The following SLC16A9 variants were observed in gnomAD, a reference collection of about 807,000 sequenced individuals.
SLC16A9 encodes the protein solute carrier family 16 member 9.
In SLC16A9, 26 loss-of-function variants were observed where a neutral mutation model predicts 44.3. The ratio of observed to expected loss-of-function variants is 0.59; its 90% CI spans 0.43 to 0.81. The LOEUF (loss-of-function observed/expected upper bound fraction) is 0.81. Among genes scored for constraint, SLC16A9 ranks in the 40% least tolerant of loss-of-function variants. SLC16A9 has a pLI of 0.00. For synonymous variants in SLC16A9, 230 were observed against 225.1 expected, an observed-to-expected ratio of 1.02 and a Z score of -0.19; for missense variants, 559 against 595.8, an observed-to-expected ratio of 0.94 and a Z score of 0.64.
chr10:59,665,557 A>G (rs72812334), intron 3 of SLC16A9, among the ~76,000 whole-genome samples: 21,125 of 152,042 alleles, frequency 0.14, 1,547 homozygotes, highest in East Asian at 0.21. Context: ...ATTTATGGGG[A>G]AAAAAATACT....
rs1487549736 is a variant in SLC16A9, at chr10:59,709,841, C to A, written c.-399G>T. 6.6e-6 allele frequency: 1 copy of A among 152,520 alleles called. No homozygotes were observed. Among genetic ancestry groups the A allele is most frequent in the African/African-American group, 2.4e-5 (1 of 41,452 alleles). 9.4% of individuals were successfully genotyped at this position (152,520 alleles called of 1,614,324 possible). A position where few individuals can be genotyped will look rare whatever the true frequency, so the allele number is the denominator to read the frequency against. On this transcript the variant is annotated 5_prime_UTR_variant, in exon 1 of 6. Coordinates refer to ENST00000395348, the MANE Select transcript of SLC16A9 (RefSeq NM_194298.3). ...CCTTGTCTCTCTTTGCGGGGCACCC[C>A]GGCCAGTCTGAACCGGTTGTGACTG...
chr10:59,706,814 G>T (rs1042670569), intron 1 of SLC16A9, among the ~76,000 whole-genome samples: 1 of 151,436 alleles, frequency 6.6e-6, no homozygotes. Context: ...CTCTACTAAA[G>T]ATACAAAAAA....
chr10:59,693,998 C>T (rs1189676162), intron 1 of SLC16A9, among the ~76,000 whole-genome samples: 1 of 151,432 alleles, frequency 6.6e-6, no homozygotes, highest in Non-Finnish European at 1.5e-5. Flanking sequence ...AGTGCAGTGG[C>T]GCTATCTCGG....
chr10:59,661,980 T>G (rs1839484955), intron 4 of SLC16A9, among the ~76,000 whole-genome samples: 1 of 151,930 alleles, frequency 6.6e-6, no homozygotes, highest in Admixed American at 6.6e-5. Context: ...ATATAAAAAT[T>G]AACGCAAGAT....
intron 3 of SLC16A9, among the ~76,000 whole-genome samples, chr10:59,671,552 T>C (rs572179125): frequency 6.6e-6 from 1 of 152,312 alleles, no homozygotes; most frequent in South Asian, 2.1e-4. Context: ...CAGTCCCTGA[T>C]ATTTAATTAT....
chr10:59,687,114 A>G (rs1162876306), intron 1 of SLC16A9, among the ~76,000 whole-genome samples: 1 of 152,208 alleles, frequency 6.6e-6, no homozygotes, highest in Non-Finnish European at 1.5e-5. Context: ...CATGTTGGCC[A>G]GGCTGGTCTT....
At chr10:59,699,020 A>T (rs1029112956) in intron 1 of SLC16A9, among the ~76,000 whole-genome samples, 1 of 152,168 alleles carries the variant, frequency 6.6e-6, no homozygotes, top group Non-Finnish European at 1.5e-5. Context: ...CTGGGATTAC[A>T]ACACTTTGTC....
At chr10:59,669,788 C>T (rs539064605) in intron 3 of SLC16A9, among the ~76,000 whole-genome samples, 18 of 151,404 alleles carry the variant, frequency 1.2e-4, no homozygotes, top group Admixed American at 1.2e-3. Flanking sequence ...AGTGAGACTC[C>T]GTCTCGAAAG....
chr10:59,699,168 A>G (rs1188184314), intron 1 of SLC16A9, among the ~76,000 whole-genome samples: 1 of 152,220 alleles, frequency 6.6e-6, no homozygotes, highest in Non-Finnish European at 1.5e-5. Context: ...GAAGATTCTA[A>G]CAAAGATAAT....
intron 1 of SLC16A9, among the ~76,000 whole-genome samples, chr10:59,693,896 C>T (rs888644027): frequency 6.7e-6 from 1 of 149,914 alleles, no homozygotes; most frequent in African/African-American, 2.5e-5. Context: ...GGATTACAGG[C>T]GTGAGCCACT....
In SLC16A9 at chr10:59,675,146, A is replaced by C. The variant is rs148158403; in HGVS notation, c.197-2233T>G. 8.5e-3 allele frequency among the ~76,000 whole-genome samples: 1,293 copies of C among 152,314 alleles called. 23 individuals are homozygous for C. The highest frequency in any genetic ancestry group is 0.03 in the African/African-American group (1,235 of 41,558). The stretch of plus-strand genomic sequence containing the variant: ...ATTAGGTCAGAGATTAAAGACAAAA[A>C]ATTTTAGAGCTGAAATTTTGGAAGT... On this transcript the variant is annotated intron_variant, in intron 2 of 5. Transcript: ENST00000395348.
chr10:59,660,020 T>C (rs1839435280), intron 4 of SLC16A9, among the ~76,000 whole-genome samples: 2 of 152,308 alleles, frequency 1.3e-5, no homozygotes, highest in East Asian at 1.9e-4. Context: ...GGAAAATTTA[T>C]AGCACTAAAT....
chr10:59,698,998 C>G (rs1206327206), intron 1 of SLC16A9, among the ~76,000 whole-genome samples: 1 of 152,188 alleles, frequency 6.6e-6, no homozygotes. Context: ...TCTGCCTCAG[C>G]CTCCCGAAGT....
At chr10:59,685,297 C>T (rs1471755131) in intron 1 of SLC16A9, among the ~76,000 whole-genome samples, 6 of 152,132 alleles carry the variant, frequency 3.9e-5, no homozygotes, top group African/African-American at 9.6e-5. Context: ...ACTGAATAGG[C>T]AAAAACACTT....
At chr10:59,707,200 A>T (rs376436545) in intron 1 of SLC16A9, among the ~76,000 whole-genome samples, 2 of 146,376 alleles carry the variant, frequency 1.4e-5, no homozygotes, top group Non-Finnish European at 1.5e-5. Context: ...TGCAGTGAGA[A>T]GAAAGAGAGA....
intron 2 of SLC16A9, among the ~76,000 whole-genome samples, chr10:59,681,762 G>GTATATGTATATGTAT (rs55822925): frequency 3.0e-4 from 1 of 3,326 alleles, no homozygotes; most frequent in African/African-American, 3.5e-4. Context: ...ATATGTATAT[G>GTATATGTATATGTAT]ATGTATATGT....
In SLC16A9 at chr10:59,652,960, CA is replaced by C; in HGVS notation, c.1352-11del. On this transcript the variant is annotated splice_polypyrimidine_tract_variant and intron_variant, in intron 5 of 5. Coordinates refer to ENST00000395348, the MANE Select transcript of SLC16A9 (RefSeq NM_194298.3). ...CAGTCATAAAACCAACCTGAAAAGGCAGTAAGAAAAAAAGTAAGTTTCATGG... is the reference window on the plus strand; with the variant it reads ...CAGTCATAAAACCAACCTGAAAAGGCGTAAGAAAAAAAGTAAGTTTCATGG... 6.3e-7 allele frequency: 1 copy of C among 1,589,204 alleles called. No homozygotes were observed. The highest frequency in any genetic ancestry group is 1.4e-5 in the African/African-American group (1 of 73,336).
chr10:59,665,617 A>T (rs1839591834), intron 3 of SLC16A9, among the ~76,000 whole-genome samples: 1 of 152,186 alleles, frequency 6.6e-6, no homozygotes, highest in African/African-American at 2.4e-5. Flanking sequence ...TGTCATTACT[A>T]CACAGAGGAC....
chr10:59,674,199 A>G (rs988866187), intron 2 of SLC16A9, among the ~76,000 whole-genome samples: 2 of 152,190 alleles, frequency 1.3e-5, no homozygotes, highest in African/African-American at 2.4e-5. Flanking sequence ...CACTTTTTGA[A>G]GCAACCTCAG....
Sources: gnomAD v4.1 joint callset for allele counts (sites outside exome capture counted in the v4.1 genomes callset) on GRCh38, gnomAD v4.1.1 for gene constraint, MANE v1.5 for transcripts, NCBI Gene and HGNC (gene_info 2026-07-23, HGNC 2026-07-21) for gene names.